The following ELP3 variants were observed in gnomAD, a reference collection of about 807,000 sequenced individuals.
The protein encoded by ELP3 is elongator complex protein 3.
ELP3 carries 56 observed loss-of-function variants against 74.9 expected under a neutral mutation model. That is an observed-to-expected ratio of 0.75 (90% CI 0.60 to 0.93). ELP3 has a LOEUF of 0.93. ELP3 is among the 40% of genes least tolerant of loss of function. The pLI is 0.00. For synonymous variants in ELP3, 222 were observed against 239.8 expected (o/e 0.93, Z 0.68); for missense variants, 573 against 686.5 (o/e 0.83, Z 1.85).
At chr8:28,096,343 C>T (rs1563243332) in intron 1 of ELP3, among the ~76,000 whole-genome samples, 3 of 152,162 alleles carry the variant, frequency 2.0e-5, no homozygotes, top group Non-Finnish European at 4.4e-5. Context: ...CTAAAACCAC[C>T]CTGCTCCCCT....
At chr8:28,154,546 T>C (rs1044967397) in intron 10 of ELP3, among the ~76,000 whole-genome samples, 1 of 152,200 alleles carries the variant, frequency 6.6e-6, no homozygotes, top group African/African-American at 2.4e-5. Flanking sequence ...TATTTAATAA[T>C]TTATATATTT....
chr8:28,134,746 T>C lies in ELP3; in HGVS notation c.906+2342T>C, dbSNP rs186549883. Among the ~76,000 whole-genome samples the C allele has an allele frequency of 1.2e-4, 18 of 152,350 alleles. No homozygotes were observed. In the East Asian group the frequency reaches 3.5e-3, roughly 29 times the overall value. ...GCACCTTGGTCTTGTATTGTGGATA[T>C]AATTTATCTTTTCTTATCTCTCTGA... On this transcript the variant is annotated intron_variant, in intron 9 of 14. Coordinates refer to ENST00000256398, the MANE Select transcript of ELP3 (RefSeq NM_018091.6).
chr8:28,098,463 C>T (rs183697404), intron 2 of ELP3, among the ~76,000 whole-genome samples: 23 of 152,242 alleles, frequency 1.5e-4, no homozygotes, highest in African/African-American at 5.5e-4. Flanking sequence ...TCTACCGTGT[C>T]TTTAGAAGTT....
chr8:28,140,490 A>G (rs1813193887), intron 10 of ELP3, among the ~76,000 whole-genome samples: 1 of 152,170 alleles, frequency 6.6e-6, no homozygotes, highest in South Asian at 2.1e-4. Flanking sequence ...CCTTATTTGC[A>G]AATTTTCCTA....
At chr8:28,181,263 C>T (rs1815000983) in intron 14 of ELP3, among the ~76,000 whole-genome samples, 1 of 152,210 alleles carries the variant, frequency 6.6e-6, no homozygotes, top group Non-Finnish European at 1.5e-5. Context: ...ATACTCACGA[C>T]TCTTCTGCCC....
At chr8:28,092,754 G>A (rs1038772828), upstream of ELP3, 24 of 258,696 alleles carry the variant, frequency 9.3e-5, no homozygotes, top group Non-Finnish European at 1.5e-4. Context: ...AACATGGGAG[G>A]GTTCCTCCTC....
intron 7 of ELP3, among the ~76,000 whole-genome samples, chr8:28,125,476 T>C (rs1812536064): frequency 6.6e-6 from 1 of 152,168 alleles, no homozygotes; most frequent in African/African-American, 2.4e-5. Context: ...CACGAATTAT[T>C]TGTAATGAGA....
intron 14 of ELP3, 84 bp downstream of exon 14, chr8:28,162,162 C>A: frequency 7.3e-7 from 1 of 1,361,042 alleles, no homozygotes; most frequent in Non-Finnish European, 1.0e-6. Context: ...ACCCTCTTGC[C>A]CCTGTTGATG....
At chr8:28,160,104 ATAAT>A in intron 12 of ELP3, 121 bp from the exon 13 acceptor site, 1 of 844,008 alleles carries the variant, frequency 1.2e-6, no homozygotes, top group Non-Finnish European at 1.8e-6. Flanking sequence ...AAAAAGAAAC[ATAAT>A]TAGTGATTAT....
chr8:28,160,342 A>G lies in ELP3; in HGVS notation c.1371A>G (p.Ser457=). The change falls in exon 13 of 15, where the codon TCA becomes TCG. Residue 457 remains serine, a synonymous_variant. Transcript: ENST00000256398. ...LIGLLRLRKC[S]EETFRFELGG... ...GCCTCCTACGATTACGCAAGTGTTCAGAAGAAACTTTCCGTTTCGAATTGG... is the reference window on the plus strand; with the variant it reads ...GCCTCCTACGATTACGCAAGTGTTCGGAAGAAACTTTCCGTTTCGAATTGG... The G allele has an allele frequency of 3.1e-6, 5 of 1,614,234 alleles. No homozygotes were observed. Among genetic ancestry groups the G allele is most frequent in the Non-Finnish European group, 2.5e-6 (3 of 1,180,032 alleles).
At chr8:28,107,120 C>T (rs950254303) in intron 4 of ELP3, among the ~76,000 whole-genome samples, 6 of 152,106 alleles carry the variant, frequency 3.9e-5, no homozygotes, top group African/African-American at 1.2e-4. Context: ...TGGTGGCATG[C>T]GCTTCTAGTC....
chr8:28,177,161 A>T (rs1302087877), intron 14 of ELP3, among the ~76,000 whole-genome samples: 1 of 152,174 alleles, frequency 6.6e-6, no homozygotes. Context: ...AGAATAATGT[A>T]TACTGTGTTA....
At chr8:28,187,942 C>T (rs1815305835) in intron 14 of ELP3, among the ~76,000 whole-genome samples, 2 of 152,136 alleles carry the variant, frequency 1.3e-5, no homozygotes, top group South Asian at 4.2e-4. Flanking sequence ...ACAGGAAGCG[C>T]GTGCACAGAA....
intron 1 of ELP3, among the ~76,000 whole-genome samples, chr8:28,094,140 A>G (rs1485151344): frequency 6.6e-6 from 1 of 152,190 alleles, no homozygotes; most frequent in East Asian, 1.9e-4. Context: ...TGCATGCCCT[A>G]AATTAATTTG....
intron 9 of ELP3, among the ~76,000 whole-genome samples, 185 bp from the exon 10 acceptor site, chr8:28,137,513 C>G (rs1003942082): frequency 1.3e-5 from 2 of 152,190 alleles, no homozygotes; most frequent in Non-Finnish European, 2.9e-5. Context: ...CACACACTTG[C>G]TTTGCCCCAG....
chr8:28,163,567 T>A (rs1053641522), intron 14 of ELP3, among the ~76,000 whole-genome samples: 28 of 152,230 alleles, frequency 1.8e-4, no homozygotes, highest in South Asian at 4.1e-4. Flanking sequence ...TTATTTATTT[T>A]TTTTTCTGTT....
At chr8:28,138,898 G>A (rs1465786210) in intron 10 of ELP3, among the ~76,000 whole-genome samples, 1 of 152,154 alleles carries the variant, frequency 6.6e-6, no homozygotes, top group Non-Finnish European at 1.5e-5. Flanking sequence ...AGAATACTAA[G>A]GAGATTTTAA....
chr8:28,091,531 T>TG (rs1478184462), upstream of ELP3, among the ~76,000 whole-genome samples: 2 of 152,192 alleles, frequency 1.3e-5, no homozygotes, highest in Admixed American at 6.5e-5. Flanking sequence ...AGTGTCATAG[T>TG]GGGGTCAAAG....
chr8:28,107,483 G>A (rs10113771), intron 4 of ELP3, among the ~76,000 whole-genome samples: 1 of 152,080 alleles, frequency 6.6e-6, no homozygotes, highest in African/African-American at 2.4e-5. Context: ...ATCCTTATAC[G>A]TAACCTTTAG....
Sources: allele counts gnomAD v4.1 joint callset (sites outside exome capture counted in the v4.1 genomes callset), GRCh38; gene constraint gnomAD v4.1.1; transcripts MANE v1.5; gene names NCBI Gene and HGNC (gene_info 2026-07-23, HGNC 2026-07-21).